Variants in RAPGEF1 observed in about 807,000 individuals in gnomAD.
The protein encoded by RAPGEF1 is CRK SH3-binding GNRP.
In RAPGEF1, 33 loss-of-function variants were observed where a neutral mutation model predicts 143.3. The observed-to-expected ratio is 0.23, with a 90% CI of 0.17 to 0.31. RAPGEF1 has a LOEUF of 0.31. Among genes scored for constraint, RAPGEF1 ranks in the 10% least tolerant of loss-of-function variants. The probability of loss-of-function intolerance (pLI) is 1.00; values close to 1 mark genes in which losing one functional copy is unlikely to be tolerated. For synonymous variants in RAPGEF1, 629 were observed against 676.5 expected (o/e 0.93, Z 1.09); for missense variants, 1,199 against 1,645.4 (o/e 0.73, Z 4.69).
chr9:131,728,147 A>C (rs1262633911), intron 1 of RAPGEF1, among the ~76,000 whole-genome samples: 1 of 152,220 alleles, frequency 6.6e-6, no homozygotes, highest in Non-Finnish European at 1.5e-5. Flanking sequence ...CAGAACACCA[A>C]AACAGCATTT....
intron 1 of RAPGEF1, among the ~76,000 whole-genome samples, chr9:131,719,452 T>C (rs141869408): frequency 1.1e-4 from 17 of 152,202 alleles, no homozygotes; most frequent in African/African-American, 3.9e-4. Context: ...GGGCTATTAT[T>C]AAGCTACTTC....
rs1970683154 is a variant in RAPGEF1, at chr9:131,650,011, C to T, written c.315+118G>A. The T allele has an allele frequency of 2.6e-6, 2 of 782,566 alleles. No individual in the cohort carries two copies. Among genetic ancestry groups the T allele is most frequent in the African/African-American group, 1.8e-5 (1 of 56,674 alleles). The allele number at this position is 782,566 out of a possible 1,614,324, so 48.5% of individuals were successfully genotyped here. ...TTTCCTGAACAATTCAGCCCACGGT[C>T]ACCACCCAGTTGAACATAATAATAG... On this transcript the variant is annotated intron_variant, in intron 3 of 26. Coordinates refer to ENST00000683357, the MANE Select transcript of RAPGEF1 (RefSeq NM_001377935.1). This position sits in a 1 kb window ranked among gnomAD's most constrained non-coding sequence, Gnocchi z 4.7.
chr9:131,595,162 C>A (rs1955036564), intron 17 of RAPGEF1, among the ~76,000 whole-genome samples: 1 of 152,254 alleles, frequency 6.6e-6, no homozygotes, highest in Non-Finnish European at 1.5e-5. Flanking sequence ...AGCCCGGGGA[C>A]TGCCCAGGGG....
chr9:131,720,624 A>G (rs1836195992), intron 1 of RAPGEF1, among the ~76,000 whole-genome samples: 1 of 152,216 alleles, frequency 6.6e-6, no homozygotes, highest in South Asian at 2.1e-4. Flanking sequence ...TGACCCTGTC[A>G]GCAACACCTG....
At chr9:131,653,682 T>C (rs1418792708) in intron 1 of RAPGEF1, among the ~76,000 whole-genome samples, 2 of 152,252 alleles carry the variant, frequency 1.3e-5, no homozygotes, top group East Asian at 1.9e-4. Flanking sequence ...CTGGTAGGAA[T>C]GTAACATGGT....
At chr9:131,644,119 C>A (rs1334779483) in intron 3 of RAPGEF1, among the ~76,000 whole-genome samples, 1 of 152,204 alleles carries the variant, frequency 6.6e-6, no homozygotes, top group East Asian at 1.9e-4. Context: ...GGTCCCTCTG[C>A]TCCTGAGAGA....
At chr9:131,686,179 G>A (rs1833335772) in intron 1 of RAPGEF1, among the ~76,000 whole-genome samples, 1 of 152,144 alleles carries the variant, frequency 6.6e-6, no homozygotes, top group African/African-American at 2.4e-5. Context: ...GGACTTCGTG[G>A]GCCATACAAT....
At chr9:131,606,857 T>G (rs1397702468) in intron 12 of RAPGEF1, among the ~76,000 whole-genome samples, 7 of 152,004 alleles carry the variant, frequency 4.6e-5, no homozygotes, top group African/African-American at 1.5e-4. Flanking sequence ...ACTCCTGAGC[T>G]CAAATGATCT....
Position 131,598,185 on chromosome 9 carries a change from C to T in RAPGEF1, c.2613+14G>A, listed in dbSNP as rs181161707. 242 of 1,609,538 alleles carry T rather than the reference C, an allele frequency of 1.5e-4. No homozygotes were observed. The Admixed American group carries it at 3.3e-3, about 22-fold the overall frequency. On this transcript the variant is annotated intron_variant, in intron 16 of 26. Coordinates refer to ENST00000683357, the MANE Select transcript of RAPGEF1 (RefSeq NM_001377935.1). ...GGGGCCAGGCTGCAAAGCCCCAGCC[C>T]GGGAAGTTCTCACCTCCTGCTTGAG...
intron 1 of RAPGEF1, among the ~76,000 whole-genome samples, chr9:131,674,260 C>A (rs752444112): frequency 6.6e-6 from 1 of 151,888 alleles, no homozygotes; most frequent in South Asian, 2.1e-4. Context: ...TGTCCTGAAG[C>A]TTGTTAAAAT....
intron 1 of RAPGEF1, among the ~76,000 whole-genome samples, chr9:131,719,816 G>A (rs1435116982): frequency 6.6e-6 from 1 of 151,656 alleles, no homozygotes; most frequent in Non-Finnish European, 1.5e-5. Context: ...ACACCGAATT[G>A]GGGCAAAGTT....
chr9:131,691,721 T>G (rs1003092001), intron 1 of RAPGEF1, among the ~76,000 whole-genome samples: 40 of 152,150 alleles, frequency 2.6e-4, no homozygotes, highest in African/African-American at 8.0e-4. Context: ...AGAACTCTAA[T>G]AAAGAAACTG....
At chr9:131,691,272 G>A (rs577274525) in intron 1 of RAPGEF1, among the ~76,000 whole-genome samples, 1 of 152,186 alleles carries the variant, frequency 6.6e-6, no homozygotes, top group South Asian at 2.1e-4. Flanking sequence ...ATCAATTTTA[G>A]ATCAAGTCTC....
At chr9:131,723,900 C>A (rs986884181) in intron 1 of RAPGEF1, among the ~76,000 whole-genome samples, 1 of 152,216 alleles carries the variant, frequency 6.6e-6, no homozygotes, top group African/African-American at 2.4e-5. Context: ...CTGCCAACAG[C>A]GCACAAGTGT....
At chr9:131,599,188 G>A (rs1289060797) in intron 15 of RAPGEF1, among the ~76,000 whole-genome samples, 7 of 150,170 alleles carry the variant, frequency 4.7e-5, no homozygotes, top group Non-Finnish European at 1.0e-4. Context: ...GCAGTGGTGC[G>A]ATCTTGGCTC....
intron 1 of RAPGEF1, among the ~76,000 whole-genome samples, chr9:131,671,171 T>G (rs369111872): frequency 6.6e-6 from 1 of 152,240 alleles, no homozygotes; most frequent in Admixed American, 6.5e-5. Context: ...TGATCGTTTT[T>G]CAAGAGGGAA....
chr9:131,734,627 A>C (rs1458458309), intron 1 of RAPGEF1, among the ~76,000 whole-genome samples: 1 of 152,220 alleles, frequency 6.6e-6, no homozygotes, highest in Non-Finnish European at 1.5e-5. Flanking sequence ...TGGAGGAAAA[A>C]GGAAGTACAA....
At chr9:131,638,385 G>A (rs550093187) in intron 5 of RAPGEF1, among the ~76,000 whole-genome samples, 3 of 152,332 alleles carry the variant, frequency 2.0e-5, no homozygotes, top group East Asian at 1.9e-4. Context: ...CCAGCACGAT[G>A]CTACGAAGAC....
At chr9:131,635,255 A>C (rs1380494132) in intron 5 of RAPGEF1, among the ~76,000 whole-genome samples, 1 of 152,132 alleles carries the variant, frequency 6.6e-6, no homozygotes, top group Non-Finnish European at 1.5e-5. Flanking sequence ...CTTCAGGGTA[A>C]ATATTTTAAA....
Sources: allele counts gnomAD v4.1 joint callset (sites outside exome capture counted in the v4.1 genomes callset), GRCh38; gene constraint gnomAD v4.1.1; non-coding constraint Gnocchi (gnomAD v3.1); transcripts MANE v1.5; gene names NCBI Gene and HGNC (gene_info 2026-07-23, HGNC 2026-07-21).